Variants in OSTC observed in about 807,000 individuals in gnomAD.
OSTC encodes oligosaccharyltransferase complex non-catalytic subunit, also known as oligosaccharyltransferase complex subunit OSTC.
In OSTC, 16 loss-of-function variants were observed where a neutral mutation model predicts 16.4. The ratio of observed to expected loss-of-function variants is 0.98; its 90% CI spans 0.66 to 1.49. The LOEUF (loss-of-function observed/expected upper bound fraction) is 1.49. Ranked by LOEUF, OSTC falls within the 40% of genes most tolerant of loss-of-function variation. OSTC has a pLI of 0.00. For synonymous variants in OSTC, 67 were observed against 68.5 expected, an observed-to-expected ratio of 0.98 and a Z score of 0.11; for missense variants, 139 against 186.3, an observed-to-expected ratio of 0.75 and a Z score of 1.48.
chr4:108,661,217 CAAAAA>C (rs34609606), intron 3 of OSTC, among the ~76,000 whole-genome samples: 4 of 103,294 alleles, frequency 3.9e-5, no homozygotes, highest in South Asian at 3.2e-4. Context: ...GACTCCATCT[CAAAAA>C]AAAAAAAAAA....
chr4:108,653,725 G>A (rs764898620), intron 1 of OSTC, among the ~76,000 whole-genome samples: 1 of 152,174 alleles, frequency 6.6e-6, no homozygotes, highest in Non-Finnish European at 1.5e-5. Flanking sequence ...TGTGCAGATG[G>A]GAGTCTAGAC....
At chr4:108,654,482 A>T (rs1726644817) in intron 1 of OSTC, among the ~76,000 whole-genome samples, 1 of 152,164 alleles carries the variant, frequency 6.6e-6, no homozygotes, top group African/African-American at 2.4e-5. Context: ...TGCAAAAGGG[A>T]TCCCACATTA....
chr4:108,661,468 C>T (rs537365828), intron 3 of OSTC, among the ~76,000 whole-genome samples: 3 of 152,146 alleles, frequency 2.0e-5, no homozygotes, highest in Non-Finnish European at 4.4e-5. Context: ...AAATAATGTT[C>T]GGTTACTGAG....
intron 3 of OSTC, among the ~76,000 whole-genome samples, chr4:108,661,982 T>C (rs932504808): frequency 3.3e-5 from 5 of 152,152 alleles, no homozygotes; most frequent in African/African-American, 1.2e-4. Flanking sequence ...AGGTGTTCAA[T>C]TGGAGATGGA....
At position 108,664,300 on chromosome 4, in the gene OSTC, G is replaced by C. The variant is rs146181295; in HGVS notation, c.432-2947G>C. 1.8e-4 allele frequency among the ~76,000 whole-genome samples: 27 copies of C among 150,088 alleles called. No individual in the cohort carries two copies. In the East Asian group the frequency reaches 5.2e-3, roughly 29 times the overall value. The stretch of plus-strand genomic sequence containing the variant: ...ATACCATAATATATAGCTATATTAA[G>C]AGATAGAGTACAAAGTGTATATTCA... On this transcript the variant is annotated intron_variant, in intron 3 of 3. Transcript: ENST00000361564.
intron 1 of OSTC, 37 bp downstream of exon 1, chr4:108,650,831 G>A (rs754317565): frequency 6.2e-7 from 1 of 1,613,530 alleles, no homozygotes; most frequent in Admixed American, 1.7e-5. Flanking sequence ...GCTGAGGAGC[G>A]GAGAACTGAC....
rs186935826 is a variant in OSTC at position 108,660,097 on chromosome 4, T to C, written c.431+2450T>C. The stretch of plus-strand genomic sequence containing the variant: ...TTCATCTTACTTTTGCAATCATTTA[T>C]GTGAACATTTGTCTTCCTGTCCACA... On this transcript the variant is annotated intron_variant, in intron 3 of 3. Coordinates refer to ENST00000361564, the MANE Select transcript of OSTC (RefSeq NM_021227.4). Among the ~76,000 whole-genome samples the C allele has an allele frequency of 2.5e-3, 385 of 152,348 alleles. 1 individual carries two copies. Among genetic ancestry groups the C allele is most frequent in the African/African-American group, 8.1e-3 (337 of 41,578 alleles).
chr4:108,657,058 C>T (rs1023690053), intron 2 of OSTC, among the ~76,000 whole-genome samples: 15 of 145,640 alleles, frequency 1.0e-4, no homozygotes. Flanking sequence ...CAGCAAGACT[C>T]AATCTCAAAA....
intron 3 of OSTC, among the ~76,000 whole-genome samples, chr4:108,661,021 A>G (rs1010485676): frequency 5.9e-5 from 9 of 152,262 alleles, no homozygotes; most frequent in Non-Finnish European, 1.3e-4. Context: ...GTTCAAGACC[A>G]GCCTGGTCAA....
intron 3 of OSTC, among the ~76,000 whole-genome samples, chr4:108,661,217 CAAA>C (rs34609606): frequency 1.4e-4 from 14 of 103,262 alleles, no homozygotes; most frequent in Non-Finnish European, 1.6e-4. Context: ...GACTCCATCT[CAAA>C]AAAAAAAAAA....
intron 2 of OSTC, among the ~76,000 whole-genome samples, chr4:108,656,792 A>G (rs549133231): frequency 6.6e-6 from 1 of 152,336 alleles, no homozygotes; most frequent in South Asian, 2.1e-4. Context: ...TTTAAATAGC[A>G]TAACTTTTTA....
In OSTC at chr4:108,667,326, G is replaced by A. The variant is rs1224481601; in HGVS notation, c.*61G>A. On this transcript the variant is annotated 3_prime_UTR_variant, in exon 4 of 4. Transcript: ENST00000361564. ...TGCTCCTGTCAATGAAGTTTTAAAG[G>A]CTGTACCAATCCTCTAATATGAAAT... The A allele has an allele frequency of 4.4e-6, 6 of 1,378,964 alleles. No individual in the cohort carries two copies. Among genetic ancestry groups the A allele is most frequent in the Non-Finnish European group, 6.1e-6 (6 of 982,306 alleles). The allele number at this position is 1,378,964 out of a possible 1,614,324, so 85.4% of individuals were successfully genotyped here. A position where few individuals can be genotyped will look rare whatever the true frequency, so the allele number is the denominator to read the frequency against.
chr4:108,664,710 C>A (rs1327939691), intron 3 of OSTC, among the ~76,000 whole-genome samples: 2 of 151,814 alleles, frequency 1.3e-5, no homozygotes, highest in Non-Finnish European at 2.9e-5. Flanking sequence ...TCTCCTGCCT[C>A]GGCGTCCTGA....
chr4:108,663,169 T>C, intron 3 of OSTC: 1 of 455,482 alleles, frequency 2.2e-6, no homozygotes, highest in Admixed American at 2.4e-5. Flanking sequence ...CAAGTTAGAT[T>C]ATGGCCACAG....
intron 3 of OSTC, among the ~76,000 whole-genome samples, chr4:108,660,824 A>G (rs1303457525): frequency 6.6e-6 from 1 of 152,216 alleles, no homozygotes; most frequent in East Asian, 1.9e-4. Flanking sequence ...TTTCTGATTT[A>G]TGCTTTTTTG....
chr4:108,664,456 C>T (rs1467753451), intron 3 of OSTC, among the ~76,000 whole-genome samples: 3 of 150,930 alleles, frequency 2.0e-5, no homozygotes, highest in Non-Finnish European at 2.9e-5. Flanking sequence ...TGCTTAAAAT[C>T]TTCTTGAACC....
intron 3 of OSTC, among the ~76,000 whole-genome samples, chr4:108,660,851 C>T (rs1203823407): frequency 6.6e-6 from 1 of 152,064 alleles, no homozygotes; most frequent in East Asian, 1.9e-4. Flanking sequence ...CTGATGTTTC[C>T]CCTATTGATA....
At chr4:108,658,887 A>T (rs1726780040) in intron 3 of OSTC, among the ~76,000 whole-genome samples, 1 of 151,390 alleles carries the variant, frequency 6.6e-6, no homozygotes, top group Non-Finnish European at 1.5e-5. Context: ...TAGTCCTGGC[A>T]GGATGGGAGG....
intron 2 of OSTC, among the ~76,000 whole-genome samples, chr4:108,656,654 G>A (rs1037070102): frequency 5.3e-5 from 8 of 151,950 alleles, no homozygotes; most frequent in African/African-American, 1.7e-4. Context: ...GGGACCCATG[G>A]AGCCTTATTT....
Sources: gnomAD v4.1 joint callset for allele counts (sites outside exome capture counted in the v4.1 genomes callset) on GRCh38, gnomAD v4.1.1 for gene constraint, MANE v1.5 for transcripts, NCBI Gene and HGNC (gene_info 2026-07-23, HGNC 2026-07-21) for gene names.